PCDHGA6: variants seen among roughly 807,000 people sequenced by gnomAD.
The protein encoded by PCDHGA6 is protocadherin gamma-A6.
A neutral mutation model predicts 60.6 loss-of-function variants in PCDHGA6; 41 were observed. That is an observed-to-expected ratio of 0.68 (90% CI 0.53 to 0.88). The LOEUF is 0.88. PCDHGA6 is among the 40% of genes least tolerant of loss of function. PCDHGA6 has a pLI of 0.00. For synonymous variants in PCDHGA6, 594 were observed against 524.4 expected (o/e 1.13, Z -1.81); for missense variants, 1,312 against 1,203.0 (o/e 1.09, Z -1.34).
chr5:141,507,483 T>G (rs2099860964), intron 3 of PCDHGA6, among the ~76,000 whole-genome samples: 1 of 152,184 alleles, frequency 6.6e-6, no homozygotes, highest in South Asian at 2.1e-4. Context: ...GCTGGCCTCC[T>G]GAGGCAGAGC....
chr5:141,389,211 G>A, intron 1 of PCDHGA6: 2 of 1,614,058 alleles, frequency 1.2e-6, no homozygotes, highest in South Asian at 2.2e-5. Flanking sequence ...CATTGGTGAT[G>A]TAAATGACAA....
intron 1 of PCDHGA6, chr5:141,419,779 GCGCCTGCTAGT>G: frequency 6.2e-7 from 1 of 1,614,064 alleles, no homozygotes; most frequent in Non-Finnish European, 8.5e-7. Flanking sequence ...CGGTCCGCCA[GCGCCTGCTAGT>G]CGCTGTAAGA....
Position 141,374,826 on chromosome 5 carries a change from G to A in PCDHGA6, c.743G>A (p.Arg248His), listed in dbSNP as rs768485677. 8.7e-5 allele frequency: 141 copies of A among 1,613,770 alleles called. No homozygotes were observed. Among genetic ancestry groups the A allele is most frequent in the Non-Finnish European group, 1.1e-4 (130 of 1,179,892 alleles). ...NTPMFTQPVY[R>H]VSVPENLPVG... ...CCAATGTTTACTCAGCCTGTCTACC[G>A]TGTAAGTGTTCCTGAAAACCTGCCA... Residue 248 changes from arginine (R) to histidine (H), a missense_variant, in exon 1 of 4, where the codon CGT becomes CAT. Coordinates refer to ENST00000517434, the MANE Select transcript of PCDHGA6 (RefSeq NM_018919.3).
chr5:141,391,206 C>G (rs1004320707), intron 1 of PCDHGA6: 14 of 152,076 alleles, frequency 9.2e-5, no homozygotes, highest in African/African-American at 3.4e-4. Flanking sequence ...TACAAAATAC[C>G]AAGGAACATT....
intron 1 of PCDHGA6, chr5:141,393,467 C>G (rs1589192441): frequency 6.2e-7 from 1 of 1,614,044 alleles, no homozygotes; most frequent in East Asian, 2.2e-5. Flanking sequence ...CGGATGGCGG[C>G]AAGCCGCCTC....
chr5:141,481,736 G>A (rs569415213), intron 1 of PCDHGA6, among the ~76,000 whole-genome samples: 23 of 151,934 alleles, frequency 1.5e-4, no homozygotes, highest in African/African-American at 4.3e-4. Flanking sequence ...GGCGGATCAC[G>A]AGGTCAGGAG....
intron 1 of PCDHGA6, chr5:141,441,986 C>G (rs2098288559): frequency 7.4e-6 from 2 of 269,216 alleles, no homozygotes; most frequent in Non-Finnish European, 1.5e-5. Flanking sequence ...GAATGCGCAC[C>G]GACGAGGTGC....
chr5:141,454,644 G>T (rs183290309), intron 1 of PCDHGA6, among the ~76,000 whole-genome samples: 2 of 151,892 alleles, frequency 1.3e-5, no homozygotes, highest in South Asian at 2.1e-4. Flanking sequence ...AACCTCAGGT[G>T]ATCTGCCCAC....
intron 1 of PCDHGA6, among the ~76,000 whole-genome samples, chr5:141,457,224 A>G (rs1176186371): frequency 6.6e-6 from 1 of 152,158 alleles, no homozygotes; most frequent in African/African-American, 2.4e-5. Flanking sequence ...GTGGTAGGTA[A>G]TTTCCATCTA....
chr5:141,453,930 T>G (rs944390811), intron 1 of PCDHGA6, among the ~76,000 whole-genome samples: 10 of 152,242 alleles, frequency 6.6e-5, no homozygotes, highest in Non-Finnish European at 1.0e-4. Flanking sequence ...AGTCACTGTG[T>G]GCCTATAATT....
At chr5:141,387,911 C>G (rs2091149943) in intron 1 of PCDHGA6, 8 of 1,495,982 alleles carry the variant, frequency 5.3e-6, no homozygotes, top group Non-Finnish European at 7.1e-6. Flanking sequence ...GGGAGCTGGG[C>G]CGGGCTGAGA....
chr5:141,442,343 G>C (rs1300318674), intron 1 of PCDHGA6: 1 of 152,336 alleles, frequency 6.6e-6, no homozygotes, highest in Non-Finnish European at 1.5e-5. Flanking sequence ...CAGGTTTCTG[G>C]GTAACTGTAG....
At chr5:141,501,333 A>ACC (rs1554187333) in intron 2 of PCDHGA6, among the ~76,000 whole-genome samples, 192 of 140,118 alleles carry the variant, frequency 1.4e-3, no homozygotes, top group Admixed American at 5.6e-3. Flanking sequence ...ACACACACAC[A>ACC]CCCCAAACTC....
rs1452602466 is a variant in PCDHGA6 at position 141,481,941 on chromosome 5, C to A, written c.2425-12866C>A. Among the ~76,000 whole-genome samples, 4 of 146,990 alleles carry A rather than the reference C, an allele frequency of 2.7e-5. No individual in the cohort carries two copies. The Admixed American group carries it at 2.7e-4, about 10-fold the overall frequency. On this transcript the variant is annotated intron_variant, in intron 1 of 3. Coordinates refer to ENST00000517434, the MANE Select transcript of PCDHGA6 (RefSeq NM_018919.3). ...AAAAAAAAAAAAAAAAAAAATCAGC[C>A]AGATGTGGTGGCAGGTGCCTGTAGT...
intron 2 of PCDHGA6, among the ~76,000 whole-genome samples, chr5:141,502,170 G>A (rs1165631931): frequency 6.6e-6 from 1 of 152,128 alleles, no homozygotes; most frequent in Admixed American, 6.5e-5. Context: ...TTCAGTTGAG[G>A]AATTTAACAT....
intron 1 of PCDHGA6, chr5:141,478,432 G>T (rs1238011675): frequency 6.2e-7 from 1 of 1,613,728 alleles, no homozygotes; most frequent in Admixed American, 1.7e-5. Context: ...GCGACCCGCT[G>T]CTGAAGAAAC....
Position 141,414,298 on chromosome 5 carries a change from G to A in PCDHGA6, c.2424+37791G>A, listed in dbSNP as rs200349573. ...GGGAACAGTCGTAGCCCTTTTAAAT[G>A]TGCATGATTTAGACTCTGAGCAGAA... On this transcript the variant is annotated intron_variant, in intron 1 of 3. Transcript: ENST00000517434. The A allele has an allele frequency of 1.9e-5, 30 of 1,613,626 alleles. No homozygotes were observed. In the East Asian group the frequency reaches 6.7e-4, roughly 36 times the overall value.
At position 141,490,341 on chromosome 5, in the gene PCDHGA6, A is replaced by C. The variant is rs778299384; in HGVS notation, c.2425-4466A>C. ...TCCTAGAGAGCACACCAGTGGGCACAGTAGTGGGGTTGTTTAATGTGCGAG... is the reference window on the plus strand; with the variant it reads ...TCCTAGAGAGCACACCAGTGGGCACCGTAGTGGGGTTGTTTAATGTGCGAG... On this transcript the variant is annotated intron_variant, in intron 1 of 3. Coordinates refer to ENST00000517434, the MANE Select transcript of PCDHGA6 (RefSeq NM_018919.3). This position sits in a 1 kb window ranked among gnomAD's most constrained non-coding sequence, Gnocchi z 5.4. The C allele has an allele frequency of 5.0e-6, 8 of 1,614,204 alleles. No homozygotes were observed. The South Asian group carries it at 8.8e-5, about 18-fold the overall frequency.
At chr5:141,394,506 C>T (rs1487868399) in intron 1 of PCDHGA6, 1 of 1,614,096 alleles carries the variant, frequency 6.2e-7, no homozygotes, top group Non-Finnish European at 8.5e-7. Flanking sequence ...GATCCTGTAC[C>T]CCGCCCTCCC....
Sources: allele counts gnomAD v4.1 joint callset (sites outside exome capture counted in the v4.1 genomes callset), GRCh38; gene constraint gnomAD v4.1.1; non-coding constraint Gnocchi (gnomAD v3.1); transcripts MANE v1.5; gene names NCBI Gene and HGNC (gene_info 2026-07-23, HGNC 2026-07-21).